The following DST variants were observed in gnomAD, a reference collection of about 807,000 sequenced individuals.
The protein encoded by DST is bullous pemphigoid antigen.
In DST, 253 loss-of-function variants were observed where a neutral mutation model predicts 875.2. The observed-to-expected ratio is 0.29, with a 90% CI of 0.26 to 0.32. The LOEUF is 0.32. DST is among the 10% of genes least tolerant of loss of function. The pLI is 1.00. For missense variants in DST, 8,287 were observed against 9,111.6 expected, an observed-to-expected ratio of 0.91 and a Z score of 3.68; for synonymous variants, 3,124 against 3,197.1, an observed-to-expected ratio of 0.98 and a Z score of 0.77.
intron 69 of DST, among the ~76,000 whole-genome samples, chr6:56,525,750 A>AC (rs2096786109): frequency 6.6e-6 from 1 of 152,096 alleles, no homozygotes; most frequent in Non-Finnish European, 1.5e-5. Context: ...TATCTCCAGG[A>AC]CCCCACTCAT....
At chr6:56,478,365 G>A (rs2095282682) in intron 90 of DST, among the ~76,000 whole-genome samples, 2 of 152,114 alleles carry the variant, frequency 1.3e-5, no homozygotes, top group South Asian at 4.1e-4. Context: ...GAGCCTGACA[G>A]CAGGTCAGCC....
chr6:56,905,816 T>C (rs1293286187), intron 2 of DST, among the ~76,000 whole-genome samples: 1 of 152,098 alleles, frequency 6.6e-6, no homozygotes, highest in Non-Finnish European at 1.5e-5. Context: ...ACCCAGCTAA[T>C]TTTTATATTT....
intron 10 of DST, among the ~76,000 whole-genome samples, chr6:56,667,688 T>A (rs1381593907): frequency 6.6e-6 from 1 of 152,124 alleles, no homozygotes; most frequent in Admixed American, 6.6e-5. Context: ...TCAAAACAAA[T>A]AATTCAAAGA....
chr6:56,750,292 C>G (rs1410589073), intron 4 of DST, among the ~76,000 whole-genome samples: 1 of 152,010 alleles, frequency 6.6e-6, no homozygotes, highest in Admixed American at 6.6e-5. Flanking sequence ...GGTTGATCAT[C>G]TCCATACCTC....
intron 69 of DST, 51 bp from the exon 70 acceptor site, chr6:56,517,671 G>T: frequency 6.4e-7 from 1 of 1,563,484 alleles, no homozygotes; most frequent in South Asian, 1.2e-5. Context: ...CCTGATGCCA[G>T]AAAATACCTA....
intron 4 of DST, among the ~76,000 whole-genome samples, chr6:56,811,459 G>C (rs1357723337): frequency 1.3e-5 from 2 of 152,086 alleles, no homozygotes; most frequent in Non-Finnish European, 2.9e-5. Context: ...TTATGCCTTG[G>C]TTTCCTAACA....
At chr6:56,564,453 C>T (rs369574842) in intron 55 of DST, among the ~76,000 whole-genome samples, 3 of 152,188 alleles carry the variant, frequency 2.0e-5, no homozygotes, top group Non-Finnish European at 2.9e-5. Flanking sequence ...AGTTGCTTAA[C>T]AGCTTAAGGA....
At chr6:56,531,985 T>C (rs1238383026) in intron 64 of DST, among the ~76,000 whole-genome samples, 1 of 152,196 alleles carries the variant, frequency 6.6e-6, no homozygotes, top group Non-Finnish European at 1.5e-5. Context: ...TCAATGGCTA[T>C]AAACCCTCTT....
intron 3 of DST, among the ~76,000 whole-genome samples, chr6:56,864,910 C>A (rs998790427): frequency 1.3e-5 from 2 of 152,090 alleles, no homozygotes; most frequent in Admixed American, 1.3e-4. Flanking sequence ...CAGATACATT[C>A]TTTTGGTTTA....
At chr6:56,694,301 C>T (rs1014018708) in intron 9 of DST, among the ~76,000 whole-genome samples, 1 of 151,130 alleles carries the variant, frequency 6.6e-6, no homozygotes, top group Non-Finnish European at 1.5e-5. Flanking sequence ...TAATAATTGC[C>T]TTTCACTAGG....
Position 56,603,857 on chromosome 6 carries a change from C to T in DST, c.10771G>A (p.Gly3591Arg), listed in dbSNP as rs776173207. The T allele has an allele frequency of 6.2e-7, 1 of 1,610,444 alleles. No individual in the cohort carries two copies. Among genetic ancestry groups the T allele is most frequent in the Non-Finnish European group, 8.5e-7 (1 of 1,178,400 alleles). The stretch of plus-strand genomic sequence containing the variant: ...CTTACTTGTTCGGTTGAGCTATCTC[C>T]AGAAGCCATCTCTTTAGACCCTGAA... ...CTSGSKEMAS[G>R]DSSTEQFSSE... Residue 3591 changes from glycine (G) to arginine (R), a missense_variant, in exon 40 of 104, where the codon GGA becomes AGA. Transcript: ENST00000680361.
chr6:56,842,086 T>A (rs1357197393), intron 4 of DST, among the ~76,000 whole-genome samples: 1 of 152,204 alleles, frequency 6.6e-6, no homozygotes, highest in East Asian at 1.9e-4. Context: ...TAGTTCAATT[T>A]TTTTTTATTT....
chr6:56,632,083 T>A lies in DST; in HGVS notation c.3806-43A>T. 2.0e-6 allele frequency: 3 copies of A among 1,487,922 alleles called. No homozygotes were observed. In the South Asian group the frequency reaches 3.4e-5, roughly 17 times the overall value. 92.2% of individuals were successfully genotyped at this position (1,487,922 alleles called of 1,614,324 possible). ...TTTAGAAAATACCTTGTTTTCTATC[T>A]CTTAGAAGCTTCTGTTTATGTTTTA... On this transcript the variant is annotated intron_variant, in intron 28 of 103. Coordinates refer to ENST00000680361, the MANE Select transcript of DST (RefSeq NM_001374736.1).
intron 4 of DST, among the ~76,000 whole-genome samples, chr6:56,779,390 T>C (rs1470156334): frequency 6.6e-6 from 1 of 152,122 alleles, no homozygotes; most frequent in Non-Finnish European, 1.5e-5. Context: ...TTAGTTTAAA[T>C]AGATCCCATT....
intron 47 of DST, among the ~76,000 whole-genome samples, chr6:56,594,915 C>T (rs2098344304): frequency 6.6e-6 from 1 of 152,208 alleles, no homozygotes; most frequent in Admixed American, 6.5e-5. Flanking sequence ...ACTCTGAAGG[C>T]AGGAAGGCAG....
chr6:56,495,430 TA>T lies in DST; in HGVS notation c.20224-1251del, dbSNP rs1461075229. ...GCTGAAATGGAATATTTTCTAAAAG[TA>T]AAGTATTCTTAAAGGTAGGTTCTTT... is the stretch of plus-strand genomic sequence containing the variant. On this transcript the variant is annotated intron_variant, in intron 82 of 103. Coordinates refer to ENST00000680361, the MANE Select transcript of DST (RefSeq NM_001374736.1). Among the ~76,000 whole-genome samples, 3 of 152,030 alleles carry T rather than the reference TA, an allele frequency of 2.0e-5. No homozygotes were observed. In the East Asian group the frequency reaches 5.8e-4, roughly 29 times the overall value.
rs906093081 is a variant in DST, at chr6:56,473,952, C to T, written c.21915G>A (p.Thr7305=). Residue 7305 remains threonine (T), a synonymous_variant, in exon 93 of 104, where the codon ACG becomes ACA. Coordinates refer to ENST00000680361, the MANE Select transcript of DST (RefSeq NM_001374736.1). ...CAGCAGCTCTCCTCTTATAGGTCTT[C>T]GTTACTTTATCAACATCAGGCTGTT... ...TRKQPDVDKV[T]KTYKRRAADP... 35 of 1,585,962 alleles carry T rather than the reference C, an allele frequency of 2.2e-5. No individual in the cohort carries two copies. Among genetic ancestry groups the T allele is most frequent in the African/African-American group, 1.7e-4 (13 of 74,642 alleles).
chr6:56,823,411 AT>A lies in DST; in HGVS notation c.625+27985del, dbSNP rs547584592. Among the ~76,000 whole-genome samples the A allele has an allele frequency of 5.5e-3, 831 of 151,356 alleles. 6 individuals carry two copies. The highest frequency in any genetic ancestry group is 0.019 in the African/African-American group (782 of 41,264). ...AGCATGAAATAAGGAAATGTGTATA[AT>A]TTTTTTTTGTTTTTTTTGAGACAGA... On this transcript the variant is annotated intron_variant, in intron 4 of 103. Coordinates refer to ENST00000680361, the MANE Select transcript of DST (RefSeq NM_001374736.1).
chr6:56,555,177 T>C lies in DST; in HGVS notation c.15136+168A>G, dbSNP rs78684010. ...ATGACCCTAACATTCCATGTGCCTA[T>C]GAACACAAAACTGCTCTCTGAGCTC... On this transcript the variant is annotated intron_variant, in intron 60 of 103. Coordinates refer to ENST00000680361, the MANE Select transcript of DST (RefSeq NM_001374736.1). Among the ~76,000 whole-genome samples the C allele has an allele frequency of 0.025, 3,873 of 152,320 alleles. 76 individuals carry two copies. Among genetic ancestry groups the C allele is most frequent in the Non-Finnish European group, 0.043 (2,915 of 68,030 alleles).
Sources: allele counts gnomAD v4.1 joint callset (sites outside exome capture counted in the v4.1 genomes callset), GRCh38; gene constraint gnomAD v4.1.1; transcripts MANE v1.5; gene names NCBI Gene and HGNC (gene_info 2026-07-23, HGNC 2026-07-21).